RAB11FIP4: variants seen among roughly 807,000 people sequenced by gnomAD.
The protein encoded by RAB11FIP4 is rab11 family-interacting protein 4.
A neutral mutation model predicts 74.3 loss-of-function variants in RAB11FIP4; 23 were observed. That is an observed-to-expected ratio of 0.31 (90% CI 0.22 to 0.44). The LOEUF (loss-of-function observed/expected upper bound fraction) is 0.44, where lower values mean the gene tolerates loss of function less well. Ranked by LOEUF, RAB11FIP4 falls within the 20% of genes least tolerant of loss-of-function variation. RAB11FIP4 has a pLI of 1.00. For synonymous variants in RAB11FIP4, 360 were observed against 359.9 expected (o/e 1.00, Z 0.00); for missense variants, 630 against 863.9 (o/e 0.73, Z 3.39).
At chr17:31,429,828 CAAAAAAAAA>C (rs751342010) in intron 1 of RAB11FIP4, among the ~76,000 whole-genome samples, 1 of 80,324 alleles carries the variant, frequency 1.2e-5, no homozygotes, top group African/African-American at 4.9e-5. Flanking sequence ...GATTCCATCT[CAAAAAAAAA>C]AAAAAAAAAA....
At chr17:31,488,328 T>TCGGCC (rs1241249520) in intron 3 of RAB11FIP4, 3 of 1,069,488 alleles carry the variant, frequency 2.8e-6, no homozygotes, top group East Asian at 5.7e-5. Context: ...CGCACCTGGC[T>TCGGCC]CGGCCCGGCC....
intron 3 of RAB11FIP4, among the ~76,000 whole-genome samples, chr17:31,443,335 A>G (rs2071422898): frequency 1.3e-5 from 2 of 152,310 alleles, no homozygotes; most frequent in African/African-American, 4.8e-5. Context: ...TGTTCATGAT[A>G]CCAAATTTAA....
rs959952344 is a variant in RAB11FIP4 at position 31,446,092 on chromosome 17, G to A, written c.336+11970G>A. 2.0e-5 allele frequency among the ~76,000 whole-genome samples: 3 copies of A among 149,568 alleles called. No individual in the cohort carries two copies. The Admixed American group carries it at 2.0e-4, about 10-fold the overall frequency. ...TTAAAAACTTCAGGCCACTTGCTTC[G>A]AAGAATGCCCCTCAATTTAGATTTG... On this transcript the variant is annotated intron_variant, in intron 3 of 14. Transcript: ENST00000621161.
intron 3 of RAB11FIP4, among the ~76,000 whole-genome samples, chr17:31,474,554 C>T (rs2071770329): frequency 6.6e-6 from 1 of 151,776 alleles, no homozygotes; most frequent in African/African-American, 2.4e-5. Context: ...GCCTGTAGTT[C>T]CAGCTACTCG....
chr17:31,511,622 A>T (rs572346770), intron 3 of RAB11FIP4, among the ~76,000 whole-genome samples: 2 of 152,298 alleles, frequency 1.3e-5, no homozygotes, highest in South Asian at 2.1e-4. Flanking sequence ...CTTGGGGTCC[A>T]TGTACTCTGT....
chr17:31,451,880 A>C (rs2071530700), intron 3 of RAB11FIP4, among the ~76,000 whole-genome samples: 2 of 142,314 alleles, frequency 1.4e-5, no homozygotes, highest in Non-Finnish European at 1.5e-5. Flanking sequence ...AGTATGCACC[A>C]CTGTTAGCTG....
intron 3 of RAB11FIP4, among the ~76,000 whole-genome samples, chr17:31,459,863 G>A (rs2071618333): frequency 6.6e-6 from 1 of 152,108 alleles, no homozygotes; most frequent in Admixed American, 6.6e-5. Context: ...TGGACACAGG[G>A]GTGGCTGGGA....
At chr17:31,514,837 TTGC>T (rs1161377048) in intron 3 of RAB11FIP4, among the ~76,000 whole-genome samples, 1 of 152,256 alleles carries the variant, frequency 6.6e-6, no homozygotes, top group Non-Finnish European at 1.5e-5. Flanking sequence ...GACGTGGAAG[TTGC>T]TGCGTTAGGC....
intron 3 of RAB11FIP4, among the ~76,000 whole-genome samples, chr17:31,483,745 T>C (rs2071873680): frequency 6.6e-6 from 1 of 152,230 alleles, no homozygotes; most frequent in Non-Finnish European, 1.5e-5. Flanking sequence ...TTGGCTAATG[T>C]TAACATTAGG....
chr17:31,455,101 T>C (rs904916128), intron 3 of RAB11FIP4, among the ~76,000 whole-genome samples: 11 of 152,166 alleles, frequency 7.2e-5, no homozygotes, highest in African/African-American at 2.7e-4. Context: ...GACAGATTAA[T>C]AGAAAAAAGG....
At chr17:31,411,318 C>T (rs178842) in intron 1 of RAB11FIP4, among the ~76,000 whole-genome samples, 50,924 of 152,054 alleles carry the variant, frequency 0.33, 10,536 homozygotes, top group Non-Finnish European at 0.46. Context: ...GAGCCAAGAT[C>T]GCACCACTTC....
At chr17:31,457,443 A>C (rs917311871) in intron 3 of RAB11FIP4, among the ~76,000 whole-genome samples, 4 of 151,720 alleles carry the variant, frequency 2.6e-5, no homozygotes, top group African/African-American at 9.7e-5. Context: ...CCTTCTCCTC[A>C]AAGGGGTCCC....
chr17:31,437,504 G>C (rs950994916), intron 3 of RAB11FIP4, among the ~76,000 whole-genome samples: 5 of 152,146 alleles, frequency 3.3e-5, no homozygotes, highest in Admixed American at 6.5e-5. Context: ...TCACTACGTA[G>C]GCTTCCCAGA....
rs1410359351 is a variant in RAB11FIP4 at position 31,391,948 on chromosome 17, C to T, written c.96C>T (p.Pro32=). 7 of 1,385,050 alleles carry T rather than the reference C, an allele frequency of 5.1e-6. No individual in the cohort carries two copies. The South Asian group carries it at 8.0e-5, about 16-fold the overall frequency. The allele number at this position is 1,385,050 out of a possible 1,614,324, so 85.8% of individuals were successfully genotyped here. ...REVFEVCGRD[P]DGFLRVERVA... is the part of the protein sequence containing the mutation. ...TGTTCGAGGTGTGCGGCCGCGACCC[C>T]GACGGCTTCCTGCGCGTGGAGCGCG... Residue 32 remains proline (P), a synonymous_variant, in exon 1 of 15, where the codon CCC becomes CCT. Transcript: ENST00000621161.
intron 3 of RAB11FIP4, among the ~76,000 whole-genome samples, chr17:31,502,027 T>C (rs2072231210): frequency 6.6e-6 from 1 of 152,030 alleles, no homozygotes; most frequent in Non-Finnish European, 1.5e-5. Context: ...AGTTTGAGAC[T>C]AGCCTGGACA....
At chr17:31,491,816 G>A (rs753869448) in intron 3 of RAB11FIP4, among the ~76,000 whole-genome samples, 2 of 152,206 alleles carry the variant, frequency 1.3e-5, no homozygotes, top group African/African-American at 2.4e-5. Flanking sequence ...CCTCCGCGTC[G>A]AGGGGATTTG....
chr17:31,418,963 G>A (rs7406402), intron 1 of RAB11FIP4, among the ~76,000 whole-genome samples: 127,050 of 151,926 alleles, frequency 0.84, 53,277 homozygotes, highest in Admixed American at 0.9. Context: ...CCTCCTCCTC[G>A]CTCTTGGCAC....
chr17:31,422,956 G>A (rs1597908038), intron 1 of RAB11FIP4, among the ~76,000 whole-genome samples: 1 of 126,280 alleles, frequency 7.9e-6, no homozygotes, highest in South Asian at 2.4e-4. Context: ...GTCTCGCTCT[G>A]TCACTCAGGC....
At chr17:31,470,489 C>T (rs929281536) in intron 3 of RAB11FIP4, among the ~76,000 whole-genome samples, 1 of 152,278 alleles carries the variant, frequency 6.6e-6, no homozygotes, top group South Asian at 2.1e-4. Context: ...AAGTATTGGG[C>T]CCACAGAACT....
Sources: allele counts gnomAD v4.1 joint callset (sites outside exome capture counted in the v4.1 genomes callset), GRCh38; gene constraint gnomAD v4.1.1; transcripts MANE v1.5; gene names NCBI Gene and HGNC (gene_info 2026-07-23, HGNC 2026-07-21).